Variants in DAP observed in about 807,000 individuals in gnomAD.
DAP encodes death associated protein, also known as death-associated protein 1.
Under a neutral mutation model 13.8 loss-of-function variants are expected in DAP, and 8 were observed. The ratio of observed to expected loss-of-function variants is 0.58; its 90% confidence interval spans 0.34 to 1.05. DAP has a LOEUF of 1.05. Ranked by LOEUF, DAP falls within the 50% of genes least tolerant of loss-of-function variation. DAP has a pLI of 0.03. For missense variants in DAP, 106 were observed against 133.2 expected, an observed-to-expected ratio of 0.80 and a Z score of 1.01; for synonymous variants, 47 against 47.5, an observed-to-expected ratio of 0.99 and a Z score of 0.04.
At chr5:10,717,945 T>A (rs1579802486) in intron 2 of DAP, among the ~76,000 whole-genome samples, 2 of 152,140 alleles carry the variant, frequency 1.3e-5, no homozygotes, top group South Asian at 4.1e-4. Flanking sequence ...AAAAACAGAA[T>A]CACGGCTCCT....
At chr5:10,760,054 C>T (rs1740300891) in intron 1 of DAP, among the ~76,000 whole-genome samples, 1 of 152,052 alleles carries the variant, frequency 6.6e-6, no homozygotes, top group Non-Finnish European at 1.5e-5. Flanking sequence ...CGCGCCTGGC[C>T]AGGAATCTTT....
chr5:10,736,134 G>C (rs1378073296), intron 2 of DAP, among the ~76,000 whole-genome samples: 2 of 152,206 alleles, frequency 1.3e-5, no homozygotes, highest in East Asian at 1.9e-4. Context: ...CAGAAGCTGC[G>C]AGACAGGCCT....
At chr5:10,758,379 G>T (rs1448639581) in intron 1 of DAP, among the ~76,000 whole-genome samples, 1 of 23,980 alleles carries the variant, frequency 4.2e-5, no homozygotes, top group East Asian at 3.4e-4. Flanking sequence ...GGGTGCTGTT[G>T]GCATTTGAGG....
At chr5:10,681,896 C>T (rs940169178) in intron 3 of DAP, among the ~76,000 whole-genome samples, 2 of 151,598 alleles carry the variant, frequency 1.3e-5, no homozygotes, top group African/African-American at 4.9e-5. Context: ...AGACCAGCGC[C>T]CACCAGCATC....
chr5:10,742,737 G>A (rs1739791743), intron 2 of DAP, among the ~76,000 whole-genome samples: 1 of 152,034 alleles, frequency 6.6e-6, no homozygotes, highest in South Asian at 2.1e-4. Context: ...CTTCTCCAAG[G>A]AACCGTGGTT....
intron 2 of DAP, among the ~76,000 whole-genome samples, chr5:10,703,243 T>C (rs1738623611): frequency 6.6e-6 from 1 of 152,228 alleles, no homozygotes; most frequent in Non-Finnish European, 1.5e-5. Context: ...AAGATGTTTT[T>C]CCCTTTAGAA....
At chr5:10,752,028 T>C (rs369347985) in intron 1 of DAP, among the ~76,000 whole-genome samples, 85 of 152,336 alleles carry the variant, frequency 5.6e-4, no homozygotes, top group African/African-American at 1.9e-3. Flanking sequence ...CTCACAGATG[T>C]GTTCATAAAG....
At chr5:10,758,912 C>T (rs769777791) in intron 1 of DAP, among the ~76,000 whole-genome samples, 2 of 152,144 alleles carry the variant, frequency 1.3e-5, no homozygotes, top group Non-Finnish European at 2.9e-5. Context: ...CAGTTTATAC[C>T]TCTGACCTTA....
At chr5:10,753,982 A>G (rs1740112256) in intron 1 of DAP, among the ~76,000 whole-genome samples, 1 of 152,234 alleles carries the variant, frequency 6.6e-6, no homozygotes, top group Admixed American at 6.5e-5. Context: ...TCTCAGGTAG[A>G]GCAATGTAGT....
chr5:10,755,830 G>A (rs544332420), intron 1 of DAP, among the ~76,000 whole-genome samples: 46 of 152,316 alleles, frequency 3.0e-4, no homozygotes, highest in East Asian at 1.4e-3. Flanking sequence ...TCACAAAGAC[G>A]TTAGAAGTCA....
chr5:10,737,027 TGTCTGCCAGCACA>T (rs549787759), intron 2 of DAP, among the ~76,000 whole-genome samples: 1 of 152,188 alleles, frequency 6.6e-6, no homozygotes, highest in South Asian at 2.1e-4. Context: ...TGGTGGGCCC[TGTCTGCCAGCACA>T]GGGCACTCAC....
rs571527368 is a variant in DAP, at chr5:10,681,023, C to T, written c.*33G>A. On this transcript the variant is annotated 3_prime_UTR_variant, in exon 4 of 4. Transcript: ENST00000230895. ...AGGGAAATACCAAGTGCAGCAGAGCCGGGGCCATGGGGCAGGCTGGTGGAC... is the reference window on the plus strand; with the variant it reads ...AGGGAAATACCAAGTGCAGCAGAGCTGGGGCCATGGGGCAGGCTGGTGGAC... 164 of 1,566,074 alleles carry T rather than the reference C, an allele frequency of 1.0e-4. No homozygotes were observed. The South Asian group carries it at 1.7e-3, about 16-fold the overall frequency.
intron 1 of DAP, among the ~76,000 whole-genome samples, chr5:10,751,917 G>A (rs914525825): frequency 1.3e-5 from 2 of 152,132 alleles, no homozygotes; most frequent in Admixed American, 1.3e-4. Flanking sequence ...CCCAGTCTGT[G>A]GTATTTTGTT....
At chr5:10,701,096 C>G (rs1010636237) in intron 2 of DAP, among the ~76,000 whole-genome samples, 6 of 152,224 alleles carry the variant, frequency 3.9e-5, no homozygotes, top group African/African-American at 1.4e-4. Context: ...CAAACCATGG[C>G]ATCTGGCTGG....
Position 10,708,051 on chromosome 5 carries a change from C to T in DAP, c.153-24480G>A, listed in dbSNP as rs141422798. On this transcript the variant is annotated intron_variant, in intron 2 of 3. Coordinates refer to ENST00000230895, the MANE Select transcript of DAP (RefSeq NM_004394.3). ...ACAAACTTGAGCATTGTTACAACTCCAGGCAGATATACCAACAGGCAGATT... is the reference window on the plus strand; with the variant it reads ...ACAAACTTGAGCATTGTTACAACTCTAGGCAGATATACCAACAGGCAGATT... 1.6e-3 allele frequency among the ~76,000 whole-genome samples: 241 copies of T among 152,260 alleles called. 2 individuals are homozygous for T. Among genetic ancestry groups the T allele is most frequent in the African/African-American group, 5.6e-3 (232 of 41,550 alleles).
chr5:10,752,950 C>T (rs1740082398), intron 1 of DAP, among the ~76,000 whole-genome samples: 2 of 152,190 alleles, frequency 1.3e-5, no homozygotes, highest in South Asian at 2.1e-4. Flanking sequence ...GTCCTCAAAT[C>T]GTTGGTGCTT....
At chr5:10,726,760 AGT>A (rs10553933) in intron 2 of DAP, among the ~76,000 whole-genome samples, 37 of 151,912 alleles carry the variant, frequency 2.4e-4, no homozygotes, top group Non-Finnish European at 5.2e-4. Context: ...TGTGTGGAAA[AGT>A]GTGTGTGTGT....
intron 2 of DAP, among the ~76,000 whole-genome samples, chr5:10,742,388 G>A (rs374369608): frequency 2.6e-5 from 4 of 152,222 alleles, no homozygotes; most frequent in Middle Eastern, 3.4e-3. Context: ...TTAGCCAGAC[G>A]TGGTGGCAGG....
At chr5:10,758,149 T>C (rs1459650850) in intron 1 of DAP, among the ~76,000 whole-genome samples, 3 of 152,154 alleles carry the variant, frequency 2.0e-5, no homozygotes, top group Non-Finnish European at 4.4e-5. Context: ...GTGATTTTGA[T>C]TTATGAACTG....
Sources: allele counts gnomAD v4.1 joint callset (sites outside exome capture counted in the v4.1 genomes callset), GRCh38; gene constraint gnomAD v4.1.1; transcripts MANE v1.5; gene names NCBI Gene and HGNC (gene_info 2026-07-23, HGNC 2026-07-21).